The following PPARD variants were observed in gnomAD, a reference collection of about 807,000 sequenced individuals.
PPARD encodes peroxisome proliferator-activated receptor delta.
Under a neutral mutation model 39.5 loss-of-function variants are expected in PPARD, and 6 were observed. The observed-to-expected ratio is 0.15, with a 90% CI of 0.08 to 0.30. The LOEUF (loss-of-function observed/expected upper bound fraction) is 0.30. PPARD is among the 10% of genes least tolerant of loss of function. PPARD has a pLI of 1.00. For synonymous variants in PPARD, 210 were observed against 231.3 expected, an observed-to-expected ratio of 0.91 and a Z score of 0.83; for missense variants, 397 against 596.8, an observed-to-expected ratio of 0.67 and a Z score of 3.49.
intron 2 of PPARD, among the ~76,000 whole-genome samples, chr6:35,385,709 G>A (rs1278154050): frequency 2.6e-5 from 4 of 151,494 alleles, no homozygotes; most frequent in Non-Finnish European, 4.4e-5. Context: ...CCTGTGGCCT[G>A]GCATGAAGAT....
intron 2 of PPARD, among the ~76,000 whole-genome samples, chr6:35,398,612 A>C (rs1764493272): frequency 6.6e-6 from 1 of 152,218 alleles, no homozygotes; most frequent in South Asian, 2.1e-4. Context: ...AGAATGAAAG[A>C]GACCTTTAGA....
At chr6:35,375,509 C>T (rs1762764116) in intron 2 of PPARD, among the ~76,000 whole-genome samples, 1 of 152,074 alleles carries the variant, frequency 6.6e-6, no homozygotes, top group African/African-American at 2.4e-5. Flanking sequence ...AGCCACTGCT[C>T]CCGGCCCGGA....
At chr6:35,378,489 A>T (rs1762947381) in intron 2 of PPARD, among the ~76,000 whole-genome samples, 1 of 152,196 alleles carries the variant, frequency 6.6e-6, no homozygotes, top group Non-Finnish European at 1.5e-5. Context: ...GTGGCCAGAA[A>T]AAGCCACTAA....
chr6:35,385,666 AAC>A (rs1170181257), intron 2 of PPARD, among the ~76,000 whole-genome samples: 156 of 149,448 alleles, frequency 1.0e-3, no homozygotes, highest in Middle Eastern at 3.4e-3. Context: ...AAAAAAAAAA[AAC>A]AAATGGGTAA....
At chr6:35,416,374 CAAAAAAAAAAAAAAAAAAAA>C (rs1170617869) in intron 3 of PPARD, among the ~76,000 whole-genome samples, 8 of 52,614 alleles carry the variant, frequency 1.5e-4, no homozygotes, top group East Asian at 1.7e-3. Context: ...GACTTCATCT[CAAAAAAAAAAAAAAAAAAAA>C]AAAAAAAAAA....
At chr6:35,365,072 G>C (rs1158229098) in intron 2 of PPARD, among the ~76,000 whole-genome samples, 2 of 150,448 alleles carry the variant, frequency 1.3e-5, no homozygotes. Flanking sequence ...TCTGCACCTT[G>C]CTTCACTTAT....
chr6:35,354,231 CAA>C (rs1347497564), intron 2 of PPARD, among the ~76,000 whole-genome samples: 1 of 31,626 alleles, frequency 3.2e-5, no homozygotes, highest in Non-Finnish European at 6.5e-5. Context: ...GACTCCGTCT[CAA>C]AAAAAAAAAA....
intron 3 of PPARD, among the ~76,000 whole-genome samples, 184 bp downstream of exon 3, chr6:35,411,401 G>A (rs962080197): frequency 6.6e-6 from 1 of 152,216 alleles, no homozygotes; most frequent in East Asian, 1.9e-4. Flanking sequence ...ACCAGCAGTG[G>A]GGCCTGGAGC....
At chr6:35,410,130 G>A (rs1765333993) in intron 2 of PPARD, among the ~76,000 whole-genome samples, 1 of 152,182 alleles carries the variant, frequency 6.6e-6, no homozygotes, top group Non-Finnish European at 1.5e-5. Context: ...AGTTTGAGCT[G>A]TCGGTAAAAT....
At chr6:35,372,338 C>T (rs111815981) in intron 2 of PPARD, among the ~76,000 whole-genome samples, 8,371 of 152,154 alleles carry the variant, frequency 0.055, 421 homozygotes, top group African/African-American at 0.14. Flanking sequence ...CCACCATGCC[C>T]GGCAAGTTTT....
chr6:35,420,070 GC>G, intron 3 of PPARD, 56 bp from the exon 4 acceptor site: 1 of 1,583,608 alleles, frequency 6.3e-7, no homozygotes, highest in Non-Finnish European at 8.6e-7. Flanking sequence ...CTGTTCCCAC[GC>G]CCTGGCTTCC....
At chr6:35,373,418 CA>C (rs977770871) in intron 2 of PPARD, among the ~76,000 whole-genome samples, 10 of 152,144 alleles carry the variant, frequency 6.6e-5, no homozygotes, top group Admixed American at 2.6e-4. Flanking sequence ...CTTGATGCCA[CA>C]AGCCACTGGA....
intron 2 of PPARD, among the ~76,000 whole-genome samples, chr6:35,358,692 C>T (rs1761756271): frequency 6.6e-6 from 1 of 152,188 alleles, no homozygotes; most frequent in Non-Finnish European, 1.5e-5. Flanking sequence ...CTTTGGAACT[C>T]TCCCAGCACC....
intron 3 of PPARD, among the ~76,000 whole-genome samples, chr6:35,411,454 A>C (rs945494844): frequency 6.6e-6 from 1 of 152,214 alleles, no homozygotes; most frequent in Non-Finnish European, 1.5e-5. Context: ...AAAGGATGGT[A>C]GGTGATGTGG....
At chr6:35,418,185 C>T (rs1765900265) in intron 3 of PPARD, among the ~76,000 whole-genome samples, 1 of 152,376 alleles carries the variant, frequency 6.6e-6, no homozygotes, top group South Asian at 2.1e-4. Context: ...AATGCCCCAA[C>T]ACGAGCATAT....
intron 2 of PPARD, among the ~76,000 whole-genome samples, chr6:35,405,276 T>G (rs559147973): frequency 6.6e-6 from 1 of 152,132 alleles, no homozygotes; most frequent in South Asian, 2.1e-4. Flanking sequence ...TGACCTCAGG[T>G]GATCTGCCTG....
chr6:35,423,184 T>C (rs2150851773), intron 5 of PPARD, among the ~76,000 whole-genome samples: 1 of 151,710 alleles, frequency 6.6e-6, no homozygotes, highest in East Asian at 1.9e-4. Flanking sequence ...TGAGCCATGA[T>C]TGTGCCACTG....
At chr6:35,420,091 A>G (rs746281457) in intron 3 of PPARD, 36 bp from the exon 4 acceptor site, 1 of 1,601,298 alleles carries the variant, frequency 6.2e-7, no homozygotes, top group Non-Finnish European at 8.5e-7. Flanking sequence ...CAGGCCTGGC[A>G]GCATGTGGAG....
At chr6:35,362,122 C>T (rs1218226479) in intron 2 of PPARD, among the ~76,000 whole-genome samples, 1 of 151,972 alleles carries the variant, frequency 6.6e-6, no homozygotes, top group Non-Finnish European at 1.5e-5. Context: ...TACCTAGGTT[C>T]TTTTCAAATT....
Sources: gnomAD v4.1 joint callset for allele counts (sites outside exome capture counted in the v4.1 genomes callset) on GRCh38, gnomAD v4.1.1 for gene constraint, MANE v1.5 for transcripts, NCBI Gene and HGNC (gene_info 2026-07-23, HGNC 2026-07-21) for gene names.